The following INPP4B variants were observed in gnomAD, a reference collection of about 807,000 sequenced individuals.
INPP4B encodes the protein inositol polyphosphate-4-phosphatase type II B.
Under a neutral mutation model 122.5 loss-of-function variants are expected in INPP4B, and 55 were observed. The ratio of observed to expected loss-of-function variants is 0.45; its 90% CI spans 0.36 to 0.56. INPP4B has a LOEUF of 0.56. Ranked by LOEUF, INPP4B falls within the 20% of genes least tolerant of loss-of-function variation. The pLI is 0.00. For missense variants in INPP4B, 1,000 were observed against 1,097.7 expected (o/e 0.91, Z 1.26); for synonymous variants, 403 against 388.7 (o/e 1.04, Z -0.43).
intron 1 of INPP4B, among the ~76,000 whole-genome samples, chr4:142,788,954 C>T (rs781179980): frequency 6.6e-6 from 1 of 152,034 alleles, no homozygotes; most frequent in Non-Finnish European, 1.5e-5. Context: ...AAAGTTGATA[C>T]ATCAAATAAA....
intron 11 of INPP4B, among the ~76,000 whole-genome samples, chr4:142,250,053 G>A (rs1179143707): frequency 6.6e-6 from 1 of 152,152 alleles, no homozygotes; most frequent in Non-Finnish European, 1.5e-5. Flanking sequence ...CTAAGTAAGA[G>A]CTTCACATGT....
At chr4:142,256,445 G>A (rs1229200954) in intron 11 of INPP4B, among the ~76,000 whole-genome samples, 2 of 152,062 alleles carry the variant, frequency 1.3e-5, no homozygotes, top group African/African-American at 4.8e-5. Flanking sequence ...CAACAAAACT[G>A]ATAGACCACT....
chr4:142,194,256 A>G (rs575383929), intron 14 of INPP4B, among the ~76,000 whole-genome samples: 42 of 152,304 alleles, frequency 2.8e-4, no homozygotes, highest in African/African-American at 9.9e-4. Flanking sequence ...AATAAGGCAT[A>G]CAATGAAAAT....
At chr4:142,834,284 C>T (rs1431313509) in intron 1 of INPP4B, among the ~76,000 whole-genome samples, 1 of 152,172 alleles carries the variant, frequency 6.6e-6, no homozygotes. Context: ...TTTGTAACAT[C>T]TCTGAGGTGA....
intron 4 of INPP4B, among the ~76,000 whole-genome samples, chr4:142,429,796 A>G (rs1305683583): frequency 6.6e-6 from 1 of 152,092 alleles, no homozygotes; most frequent in Non-Finnish European, 1.5e-5. Context: ...ATTTAAGATG[A>G]GCTAGGAGTG....
At position 142,816,168 on chromosome 4, in the gene INPP4B, T is replaced by A. The variant is rs7672799; in HGVS notation, c.-254+30041A>T. Among the ~76,000 whole-genome samples the A allele has an allele frequency of 6.5e-3, 986 of 152,244 alleles. 3 individuals are homozygous for A. The highest frequency in any genetic ancestry group is 0.011 in the Non-Finnish European group (724 of 67,998). ...ATACCTCTGCCTTTGTACCCAAGAT[T>A]GAGCCTTTAGGAATAGATATCTTAT... is the stretch of plus-strand genomic sequence containing the variant. On this transcript the variant is annotated intron_variant, in intron 1 of 25. Coordinates refer to ENST00000262992, the MANE Select transcript of INPP4B (RefSeq NM_001101669.3).
intron 18 of INPP4B, among the ~76,000 whole-genome samples, chr4:142,130,355 A>G (rs1358826509): frequency 6.6e-6 from 1 of 152,184 alleles, no homozygotes; most frequent in African/African-American, 2.4e-5. Context: ...TCACTCAGTG[A>G]TTTGGAGAAG....
intron 7 of INPP4B, among the ~76,000 whole-genome samples, chr4:142,358,576 TGCTAC>T (rs983946617): frequency 1.3e-5 from 2 of 149,904 alleles, no homozygotes; most frequent in Non-Finnish European, 3.0e-5. Flanking sequence ...TTTAAAAAAC[TGCTAC>T]GCCTAGGCTA....
At chr4:142,844,761 A>G (rs1173960932) in intron 1 of INPP4B, among the ~76,000 whole-genome samples, 1 of 152,340 alleles carries the variant, frequency 6.6e-6, no homozygotes, top group South Asian at 2.1e-4. Flanking sequence ...CTGCTTTATC[A>G]TTGAGTCAGA....
chr4:142,383,209 C>G (rs1794808569), intron 7 of INPP4B, among the ~76,000 whole-genome samples: 1 of 151,968 alleles, frequency 6.6e-6, no homozygotes, highest in Admixed American at 6.6e-5. Flanking sequence ...AATCTTTGCA[C>G]CTATGCTTTT....
chr4:142,517,343 T>G (rs1825537974), intron 2 of INPP4B, among the ~76,000 whole-genome samples: 1 of 152,124 alleles, frequency 6.6e-6, no homozygotes, highest in African/African-American at 2.4e-5. Flanking sequence ...GGTGTTGGTC[T>G]CTTTGAGTTG....
intron 15 of INPP4B, among the ~76,000 whole-genome samples, chr4:142,192,333 T>TAAAAAA (rs71586265): frequency 2.2e-3 from 20 of 8,916 alleles, no homozygotes; most frequent in African/African-American, 2.5e-3. Flanking sequence ...AATCTAAAAG[T>TAAAAAA]AAAAAAAAAA....
At chr4:142,688,670 A>C (rs1369116171) in intron 2 of INPP4B, among the ~76,000 whole-genome samples, 2 of 152,188 alleles carry the variant, frequency 1.3e-5, no homozygotes, top group Non-Finnish European at 2.9e-5. Flanking sequence ...AAGAAAGATG[A>C]TAACAGCCCT....
chr4:142,728,096 C>A (rs184253993), intron 1 of INPP4B, among the ~76,000 whole-genome samples: 1 of 152,280 alleles, frequency 6.6e-6, no homozygotes, highest in African/African-American at 2.4e-5. Flanking sequence ...ACTCACAGTG[C>A]CCATTGGGAG....
intron 12 of INPP4B, among the ~76,000 whole-genome samples, chr4:142,234,612 GA>G (rs962507729): frequency 3.3e-5 from 5 of 152,272 alleles, no homozygotes; most frequent in South Asian, 2.1e-4. Flanking sequence ...AAATTCTAAT[GA>G]TAGGAGATTT....
chr4:142,076,288 G>T (rs1459541840), intron 25 of INPP4B, among the ~76,000 whole-genome samples: 1 of 152,064 alleles, frequency 6.6e-6, no homozygotes, highest in African/African-American at 2.4e-5. Context: ...GAAGTCCTTT[G>T]TAGGCCATTC....
At chr4:142,413,078 C>G (rs1448688637) in intron 5 of INPP4B, among the ~76,000 whole-genome samples, 2 of 152,110 alleles carry the variant, frequency 1.3e-5, no homozygotes, top group Non-Finnish European at 2.9e-5. Context: ...TCCTAAAGGA[C>G]CATGCATCGC....
At chr4:142,657,623 T>G (rs1246704828) in intron 2 of INPP4B, among the ~76,000 whole-genome samples, 3 of 152,340 alleles carry the variant, frequency 2.0e-5, no homozygotes, top group East Asian at 1.9e-4. Context: ...GGTTAAAGAA[T>G]TGTTTTGAGT....
intron 8 of INPP4B, among the ~76,000 whole-genome samples, chr4:142,314,023 C>A (rs2151310251): frequency 6.6e-6 from 1 of 152,266 alleles, no homozygotes; most frequent in South Asian, 2.1e-4. Context: ...TCAAATAGCT[C>A]TTCCAGTTGG....
Sources: allele counts gnomAD v4.1 joint callset (sites outside exome capture counted in the v4.1 genomes callset), GRCh38; gene constraint gnomAD v4.1.1; transcripts MANE v1.5; gene names NCBI Gene and HGNC (gene_info 2026-07-23, HGNC 2026-07-21).